Variants in HDAC9 observed in about 807,000 individuals in gnomAD.
HDAC9 encodes the protein MEF-2 interacting transcription repressor (MITR) protein.
Under a neutral mutation model 139.4 loss-of-function variants are expected in HDAC9, and 41 were observed. The observed-to-expected ratio is 0.29, with a 90% CI of 0.23 to 0.38. The LOEUF (loss-of-function observed/expected upper bound fraction) is 0.38, where lower values mean the gene tolerates loss of function less well. Among genes scored for constraint, HDAC9 ranks in the 10% least tolerant of loss-of-function variants. The pLI is 1.00. For synonymous variants in HDAC9, 517 were observed against 476.2 expected, an observed-to-expected ratio of 1.09 and a Z score of -1.12; for missense variants, 1,147 against 1,297.0, an observed-to-expected ratio of 0.88 and a Z score of 1.78.
intron 13 of HDAC9, among the ~76,000 whole-genome samples, chr7:18,732,790 TGTTTGTGTGC>T (rs1361083273): frequency 1.0e-4 from 10 of 98,420 alleles, no homozygotes; most frequent in Admixed American, 2.7e-4. Context: ...CACACACGTG[TGTTTGTGTGC>T]GTATGTGTAC....
At chr7:18,799,885 T>C (rs1793145229) in intron 17 of HDAC9, among the ~76,000 whole-genome samples, 1 of 152,094 alleles carries the variant, frequency 6.6e-6, no homozygotes, top group African/African-American at 2.4e-5. Context: ...CCAAATTCAA[T>C]AAAAACATTA....
intron 23 of HDAC9, chr7:18,949,662 C>G (rs980658356): frequency 6.4e-6 from 1 of 155,844 alleles, no homozygotes; most frequent in Non-Finnish European, 1.4e-5. Flanking sequence ...TCATCATCAT[C>G]CACATTAAAG....
At chr7:18,594,127 G>T in intron 6 of HDAC9, 98 bp downstream of exon 6, 5 of 1,315,626 alleles carry the variant, frequency 3.8e-6, no homozygotes, top group Non-Finnish European at 3.2e-6. Flanking sequence ...GATTTGAGTC[G>T]TAGATAATAT....
chr7:18,847,514 T>C (rs889163040), intron 21 of HDAC9, among the ~76,000 whole-genome samples: 1 of 152,096 alleles, frequency 6.6e-6, no homozygotes, highest in South Asian at 2.1e-4. Context: ...CCCTTTGAAG[T>C]GGAAATAAGT....
At chr7:18,283,379 C>T (rs1797230456) in intron 2 of HDAC9, among the ~76,000 whole-genome samples, 1 of 152,132 alleles carries the variant, frequency 6.6e-6, no homozygotes, top group Non-Finnish European at 1.5e-5. Context: ...GCCCCTCCAC[C>T]AATATGTGAG....
At chr7:18,576,941 G>T (rs1826154919) in intron 2 of HDAC9, among the ~76,000 whole-genome samples, 1 of 152,092 alleles carries the variant, frequency 6.6e-6, no homozygotes, top group Admixed American at 6.5e-5. Context: ...CAGTGAGAGA[G>T]AAAAAGAGAG....
intron 1 of HDAC9, among the ~76,000 whole-genome samples, chr7:18,089,155 C>T (rs1781985708): frequency 6.6e-6 from 1 of 151,972 alleles, no homozygotes; most frequent in African/African-American, 2.4e-5. Flanking sequence ...TAAGGTTGTG[C>T]AGAAGGAAGT....
intron 1 of HDAC9, among the ~76,000 whole-genome samples, chr7:18,384,472 T>A (rs569149763): frequency 6.6e-6 from 1 of 152,226 alleles, no homozygotes; most frequent in South Asian, 2.1e-4. Context: ...AGGGAGTGCC[T>A]GTCAAAATTA....
chr7:18,281,834 A>G (rs1282261870), intron 2 of HDAC9, among the ~76,000 whole-genome samples: 3 of 152,308 alleles, frequency 2.0e-5, no homozygotes, highest in South Asian at 2.1e-4. Context: ...TTTTCTCCGT[A>G]TTGAATATAA....
At chr7:18,725,678 C>A (rs1383410480) in intron 12 of HDAC9, among the ~76,000 whole-genome samples, 1 of 152,064 alleles carries the variant, frequency 6.6e-6, no homozygotes, top group African/African-American at 2.4e-5. Flanking sequence ...TAAACATGTA[C>A]CCAGGAATTG....
intron 2 of HDAC9, among the ~76,000 whole-genome samples, chr7:18,502,005 T>C (rs932755189): frequency 6.6e-6 from 1 of 152,126 alleles, no homozygotes; most frequent in African/African-American, 2.4e-5. Flanking sequence ...TTCAGGTCCT[T>C]CATATAGCTC....
intron 1 of HDAC9, among the ~76,000 whole-genome samples, chr7:18,116,391 C>T (rs1175221816): frequency 1.3e-5 from 2 of 152,058 alleles, no homozygotes; most frequent in East Asian, 1.9e-4. Flanking sequence ...TCAACTATCA[C>T]TTTGATTAAA....
chr7:18,328,065 C>T (rs1185931753), intron 1 of HDAC9, among the ~76,000 whole-genome samples: 1 of 151,788 alleles, frequency 6.6e-6, no homozygotes, highest in Non-Finnish European at 1.5e-5. Flanking sequence ...GGCTGAGAAA[C>T]CTTTTTGCTT....
At chr7:18,314,927 T>C (rs10247677) in intron 1 of HDAC9, among the ~76,000 whole-genome samples, 52 of 152,306 alleles carry the variant, frequency 3.4e-4, no homozygotes, top group African/African-American at 1.0e-3. Flanking sequence ...GTAGTTAATA[T>C]GAGCAAGGAA....
chr7:18,309,806 A>C (rs2128623210), intron 1 of HDAC9, among the ~76,000 whole-genome samples: 1 of 152,336 alleles, frequency 6.6e-6, no homozygotes, highest in African/African-American at 2.4e-5. Context: ...AAAAAGCTCA[A>C]ATTTACCTAC....
At chr7:18,101,104 G>A (rs764668224) in intron 1 of HDAC9, among the ~76,000 whole-genome samples, 6 of 152,088 alleles carry the variant, frequency 3.9e-5, no homozygotes, top group Non-Finnish European at 5.9e-5. Context: ...TCTGTGTCCT[G>A]ATCATTACAC....
Position 18,249,516 on chromosome 7 carries a change from A to C in HDAC9, c.25+87167A>C, listed in dbSNP as rs992492194. On this transcript the variant is annotated intron_variant, in intron 2 of 12. Transcript: ENST00000417496. ...AGACTCTGTCTCAAAAAAAAAAAAA[A>C]AAAAAAACAAAAAAAAAACTTTCTG... Among the ~76,000 whole-genome samples the C allele has an allele frequency of 6.7e-3, 990 of 148,680 alleles. 10 individuals are homozygous for C. The highest frequency in any genetic ancestry group is 0.012 in the Admixed American group (176 of 14,664).
chr7:18,104,111 C>G (rs926284091), intron 1 of HDAC9, among the ~76,000 whole-genome samples: 1 of 152,154 alleles, frequency 6.6e-6, no homozygotes, highest in African/African-American at 2.4e-5. Flanking sequence ...CCCGTGCAGA[C>G]AAGGGGAGCA....
intron 12 of HDAC9, among the ~76,000 whole-genome samples, chr7:18,711,766 C>T (rs535184637): frequency 2.0e-5 from 3 of 152,314 alleles, no homozygotes; most frequent in South Asian, 2.1e-4. Context: ...AAGAACAGCA[C>T]TTGTGCTATA....
Sources: gnomAD v4.1 joint callset for allele counts (sites outside exome capture counted in the v4.1 genomes callset) on GRCh38, gnomAD v4.1.1 for gene constraint, MANE v1.5 for transcripts, NCBI Gene and HGNC (gene_info 2026-07-23, HGNC 2026-07-21) for gene names.